GABRG3: variants seen among roughly 807,000 people sequenced by gnomAD.
The protein encoded by GABRG3 is gamma-aminobutyric acid type A receptor subunit gamma3, also known as gamma-aminobutyric acid receptor subunit gamma-3.
Under a neutral mutation model 48.8 loss-of-function variants are expected in GABRG3, and 25 were observed. The observed-to-expected ratio is 0.51, with a 90% CI of 0.37 to 0.72. GABRG3 has a LOEUF of 0.72. GABRG3 is among the 30% of genes least tolerant of loss of function. The pLI, the probability that GABRG3 is intolerant of heterozygous loss-of-function variation, is 0.00. For missense variants in GABRG3, 394 were observed against 577.9 expected (o/e 0.68, Z 3.26); for synonymous variants, 227 against 217.6 (o/e 1.04, Z -0.38).
At chr15:27,109,742 T>A (rs2140369723) in intron 3 of GABRG3, among the ~76,000 whole-genome samples, 1 of 152,234 alleles carries the variant, frequency 6.6e-6, no homozygotes, top group East Asian at 1.9e-4. Context: ...ATTAGCCGGA[T>A]GTGGTGGCAC....
At chr15:27,379,169 T>G (rs531189199) in intron 5 of GABRG3, among the ~76,000 whole-genome samples, 1 of 152,360 alleles carries the variant, frequency 6.6e-6, no homozygotes, top group South Asian at 2.1e-4. Flanking sequence ...TTTCTGGTTT[T>G]GAGAATTTTA....
chr15:27,020,451 G>A lies in GABRG3; in HGVS notation c.203-6303G>A, dbSNP rs188787667. Reference sequence around the variant, plus strand: ...TTTTGAGACGGAGTCTCGCTCTTTCGCCCAGGCTGGAGTGCAGTGGCGCTA... The same window carrying A: ...TTTTGAGACGGAGTCTCGCTCTTTCACCCAGGCTGGAGTGCAGTGGCGCTA... On this transcript the variant is annotated intron_variant, in intron 2 of 9. Transcript: ENST00000615808. 1.7e-3 allele frequency among the ~76,000 whole-genome samples: 260 copies of A among 152,208 alleles called. 1 individual carries two copies. The highest frequency in any genetic ancestry group is 5.8e-3 in the African/African-American group (240 of 41,538).
chr15:27,303,673 A>G (rs11632017), intron 3 of GABRG3, among the ~76,000 whole-genome samples: 73,353 of 151,010 alleles, frequency 0.49, 20,192 homozygotes, highest in Non-Finnish European at 0.63. Flanking sequence ...AGAAAACTAC[A>G]CAATATATTT....
intron 5 of GABRG3, among the ~76,000 whole-genome samples, chr15:27,390,033 G>A (rs1896174301): frequency 6.6e-6 from 1 of 152,178 alleles, no homozygotes; most frequent in Admixed American, 6.5e-5. Context: ...AAATATGGAT[G>A]CCAGTGTTAA....
At chr15:27,220,973 A>G (rs1318091691) in intron 3 of GABRG3, among the ~76,000 whole-genome samples, 1 of 151,478 alleles carries the variant, frequency 6.6e-6, no homozygotes, top group African/African-American at 2.4e-5. Flanking sequence ...TTTCCATTGG[A>G]TGAACCTGGA....
intron 3 of GABRG3, among the ~76,000 whole-genome samples, chr15:27,187,539 G>A (rs1414281717): frequency 6.6e-6 from 1 of 152,066 alleles, no homozygotes; most frequent in Non-Finnish European, 1.5e-5. Flanking sequence ...CAATCCATGA[G>A]CATGGGATGT....
At chr15:27,531,658 C>T (rs1891427008) in intron 9 of GABRG3, among the ~76,000 whole-genome samples, 1 of 152,324 alleles carries the variant, frequency 6.6e-6, no homozygotes, top group Non-Finnish European at 1.5e-5. Flanking sequence ...TTTTAGTTCC[C>T]TTCCATTATT....
rs377210653 is a variant in GABRG3, at chr15:27,214,006, G to C, written c.271-112803G>C. ...TATTGACCATGGATTTGGTGAAGTAGAGCAGTATTTTTTAGCAGGTAAAAT... is the reference window on the plus strand; with the variant it reads ...TATTGACCATGGATTTGGTGAAGTACAGCAGTATTTTTTAGCAGGTAAAAT... On this transcript the variant is annotated intron_variant, in intron 3 of 9. Transcript: ENST00000615808. Among the ~76,000 whole-genome samples, 95 of 152,338 alleles carry C rather than the reference G, an allele frequency of 6.2e-4. 1 individual carries two copies. The highest frequency in any genetic ancestry group is 2.2e-3 in the African/African-American group (91 of 41,576).
Position 27,058,838 on chromosome 15 carries a change from T to G in GABRG3, c.270+32017T>G, listed in dbSNP as rs1460276868. ...TATGCCATATCGTATAAAGTAAAATTGCTTCTTAACTATCTTTGTGTTGCT... is the reference window on the plus strand; with the variant it reads ...TATGCCATATCGTATAAAGTAAAATGGCTTCTTAACTATCTTTGTGTTGCT... On this transcript the variant is annotated intron_variant, in intron 3 of 9. Transcript: ENST00000615808. Among the ~76,000 whole-genome samples the G allele has an allele frequency of 5.9e-5, 9 of 152,312 alleles. No homozygotes were observed. In the South Asian group the frequency reaches 1.9e-3, roughly 32 times the overall value.
At chr15:27,431,009 A>AAATG in intron 5 of GABRG3, among the ~76,000 whole-genome samples, 1 of 150,408 alleles carries the variant, frequency 6.6e-6, no homozygotes, top group Non-Finnish European at 1.5e-5. Context: ...ATAAATAAAT[A>AAATG]AATAAATAAA....
intron 3 of GABRG3, among the ~76,000 whole-genome samples, chr15:27,129,445 A>G (rs939301998): frequency 1.3e-5 from 2 of 152,162 alleles, no homozygotes; most frequent in African/African-American, 2.4e-5. Flanking sequence ...TAACCATTCA[A>G]TCTTAGATGG....
intron 3 of GABRG3, among the ~76,000 whole-genome samples, chr15:27,170,677 G>T (rs1303820633): frequency 6.6e-6 from 1 of 152,158 alleles, no homozygotes. Flanking sequence ...CCCAGTGGAG[G>T]TATCAGTGCT....
chr15:27,291,997 C>T (rs371747297), intron 3 of GABRG3, among the ~76,000 whole-genome samples: 2 of 152,138 alleles, frequency 1.3e-5, no homozygotes, highest in Non-Finnish European at 1.5e-5. Context: ...TAAATAATAA[C>T]CCACTGTTCA....
At chr15:27,373,652 TA>T (rs202042075) in intron 5 of GABRG3, among the ~76,000 whole-genome samples, 1 of 151,744 alleles carries the variant, frequency 6.6e-6, no homozygotes, top group Non-Finnish European at 1.5e-5. Flanking sequence ...ATTCAATTAC[TA>T]AAAAAAAATT....
intron 3 of GABRG3, among the ~76,000 whole-genome samples, chr15:27,254,367 C>G (rs1377743355): frequency 6.6e-6 from 1 of 151,990 alleles, no homozygotes; most frequent in Non-Finnish European, 1.5e-5. Flanking sequence ...GGGTTCTCGC[C>G]TGTTCTTCTG....
intron 3 of GABRG3, among the ~76,000 whole-genome samples, chr15:27,199,499 G>T (rs530134297): frequency 6.6e-6 from 1 of 152,080 alleles, no homozygotes; most frequent in Non-Finnish European, 1.5e-5. Flanking sequence ...CAGGGGCCTC[G>T]TCAGAGGTGT....
rs899356929 is a variant in GABRG3 at position 27,338,129 on chromosome 15, G to A, written c.574+9241G>A. 5.9e-5 allele frequency among the ~76,000 whole-genome samples: 9 copies of A among 152,274 alleles called. No individual in the cohort carries two copies. The East Asian group carries it at 9.7e-4, about 16-fold the overall frequency. On this transcript the variant is annotated intron_variant, in intron 5 of 9. Transcript: ENST00000615808. ...ATTAATTCATGTGCCCGAGCTGGTC[G>A]GGAATGTGGGGTCAGCGCTTCAGGC...
chr15:27,114,428 T>C (rs997272615), intron 3 of GABRG3, among the ~76,000 whole-genome samples: 5 of 152,222 alleles, frequency 3.3e-5, no homozygotes, highest in African/African-American at 1.2e-4. Context: ...CTTATAGCTG[T>C]GCATTCTTTC....
intron 2 of GABRG3, among the ~76,000 whole-genome samples, chr15:27,015,754 TA>T (rs1221490853): frequency 2.6e-5 from 4 of 152,140 alleles, no homozygotes; most frequent in Non-Finnish European, 5.9e-5. Flanking sequence ...ACTCTATAGA[TA>T]TTTTCTTCCT....
Sources: gnomAD v4.1 joint callset for allele counts (sites outside exome capture counted in the v4.1 genomes callset) on GRCh38, gnomAD v4.1.1 for gene constraint, MANE v1.5 for transcripts, NCBI Gene and HGNC (gene_info 2026-07-23, HGNC 2026-07-21) for gene names.